LARS2: variants seen among roughly 807,000 people sequenced by gnomAD.
The protein encoded by LARS2 is leucyl-tRNA synthetase 2, mitochondrial, also known as leucine--tRNA ligase, mitochondrial.
In LARS2, 81 loss-of-function variants were observed where a neutral mutation model predicts 116.6. That is an observed-to-expected ratio of 0.69 (90% CI 0.58 to 0.84). The LOEUF is 0.84. Ranked by LOEUF, LARS2 falls within the 40% of genes least tolerant of loss-of-function variation. The probability of loss-of-function intolerance (pLI) is 0.00; values close to 1 mark genes in which losing one functional copy is unlikely to be tolerated. For missense variants in LARS2, 968 were observed against 1,114.5 expected (o/e 0.87, Z 1.87); for synonymous variants, 396 against 407.2 (o/e 0.97, Z 0.33).
At chr3:45,411,264 A>G (rs1698326104) in intron 4 of LARS2, among the ~76,000 whole-genome samples, 1 of 152,172 alleles carries the variant, frequency 6.6e-6, no homozygotes. Flanking sequence ...GCACACATTC[A>G]ATGACAAAGG....
chr3:45,536,772 G>C (rs1241302753), intron 20 of LARS2, among the ~76,000 whole-genome samples: 1 of 152,224 alleles, frequency 6.6e-6, no homozygotes, highest in Non-Finnish European at 1.5e-5. Flanking sequence ...TGTGTCCTAA[G>C]CTGTCACTCA....
In LARS2 at chr3:45,525,160, A is replaced by G. The variant is rs138724938; in HGVS notation, c.2404+1052A>G. Among the ~76,000 whole-genome samples the G allele has an allele frequency of 2.4e-3, 371 of 152,262 alleles. 3 individuals carry two copies. The highest frequency in any genetic ancestry group is 7.8e-3 in the African/African-American group (326 of 41,548). The stretch of plus-strand genomic sequence containing the variant: ...TGGTTCCTTTTTCTTTTTAGCTAAG[A>G]TGAGACTTATTTTTCCAGGGTCCCC... On this transcript the variant is annotated intron_variant, in intron 20 of 21. Transcript: ENST00000645846.
chr3:45,535,948 C>CT, intron 20 of LARS2, among the ~76,000 whole-genome samples: 1 of 152,226 alleles, frequency 6.6e-6, no homozygotes, highest in South Asian at 2.1e-4. Flanking sequence ...CTGAACATTT[C>CT]TTTGTAACTT....
intron 5 of LARS2, among the ~76,000 whole-genome samples, chr3:45,419,073 C>G (rs754096754): frequency 1.3e-5 from 2 of 152,088 alleles, no homozygotes; most frequent in Admixed American, 6.5e-5. Context: ...AAAGAGGATG[C>G]AGTAGAAATG....
At position 45,394,443 on chromosome 3, in the gene LARS2, CCTT is replaced by C; in HGVS notation, c.-8_-6del. 1 of 1,607,640 alleles carries C rather than the reference CCTT, an allele frequency of 6.2e-7. No homozygotes were observed. Among genetic ancestry groups the C allele is most frequent in the Non-Finnish European group, 8.5e-7 (1 of 1,174,146 alleles). On this transcript the variant is annotated 5_prime_UTR_variant, in exon 3 of 22. Transcript: ENST00000645846. Reference sequence around the variant, plus strand: ...TGCCCTCTTTTTCAGGGCCTTCTCACCTTCTGAAGAATGGCTTCTGTTTGGCAG... The same window carrying C: ...TGCCCTCTTTTTCAGGGCCTTCTCACCTGAAGAATGGCTTCTGTTTGGCAG...
chr3:45,408,236 C>T (rs578156155), intron 4 of LARS2, among the ~76,000 whole-genome samples: 43 of 152,368 alleles, frequency 2.8e-4, no homozygotes, highest in East Asian at 1.5e-3. Flanking sequence ...CACCAAGGCT[C>T]ACCCTGGAGC....
chr3:45,440,336 G>C (rs1488349633), intron 6 of LARS2, among the ~76,000 whole-genome samples: 3 of 152,152 alleles, frequency 2.0e-5, no homozygotes. Context: ...CACTAAACAT[G>C]TTTCCTTTTG....
intron 6 of LARS2, among the ~76,000 whole-genome samples, chr3:45,424,846 A>G (rs879011584): frequency 2.0e-5 from 3 of 152,144 alleles, no homozygotes; most frequent in Admixed American, 2.0e-4. Flanking sequence ...CACTGTCCGT[A>G]TACTCATTTC....
intron 6 of LARS2, among the ~76,000 whole-genome samples, chr3:45,432,789 CA>C (rs775809222): frequency 1.3e-5 from 2 of 151,778 alleles, no homozygotes; most frequent in East Asian, 1.9e-4. Context: ...TAAAGATAAG[CA>C]AAATAGACAA....
chr3:45,446,134 A>T (rs1699014063), intron 6 of LARS2, among the ~76,000 whole-genome samples: 1 of 152,178 alleles, frequency 6.6e-6, no homozygotes, highest in Admixed American at 6.5e-5. Flanking sequence ...CCCATCATTC[A>T]TTTCTGCGTT....
chr3:45,414,280 T>C (rs1275189346), intron 4 of LARS2, among the ~76,000 whole-genome samples: 2 of 152,154 alleles, frequency 1.3e-5, no homozygotes, highest in African/African-American at 4.8e-5. Flanking sequence ...AATACATATA[T>C]AAATAATATA....
chr3:45,412,514 T>C (rs1698347150), intron 4 of LARS2, among the ~76,000 whole-genome samples: 1 of 152,232 alleles, frequency 6.6e-6, no homozygotes, highest in Non-Finnish European at 1.5e-5. Context: ...TATTTATCAT[T>C]GTATTATGCC....
Position 45,517,953 on chromosome 3 carries a change from AC to A in LARS2, c.2096del (p.Thr699LysfsTer19). Reference protein sequence around the residue: ...LRWQQRLWTLTTRFIEARASG... With the variant: ...LRWQQRLWTLXTRFIEARASG... ...ATGGCAACAACGACTGTGGACCTTG[AC>A]AACTCGGTTTATTGAGGCCAGGGCT... On this transcript the variant is annotated frameshift_variant, in exon 18 of 22. Transcript: ENST00000645846. LOFTEE classifies it high-confidence loss of function. 6.2e-7 allele frequency: 1 copy of A among 1,614,110 alleles called. No homozygotes were observed. Among genetic ancestry groups the A allele is most frequent in the Non-Finnish European group, 8.5e-7 (1 of 1,179,986 alleles).
rs376346139 is a variant in LARS2 at position 45,469,740 on chromosome 3, G to T, written c.751-4503G>T. 2.7e-4 allele frequency among the ~76,000 whole-genome samples: 41 copies of T among 152,158 alleles called. No homozygotes were observed. In the East Asian group the frequency reaches 5.2e-3, roughly 19 times the overall value. On this transcript the variant is annotated intron_variant, in intron 8 of 21. Transcript: ENST00000645846. ...TCATTCCTCCAGCACATTCTAGAGG[G>T]AATGTCTATATTTTTAAACATCTTG...
intron 6 of LARS2, among the ~76,000 whole-genome samples, chr3:45,433,864 G>T (rs897110908): frequency 1.3e-5 from 2 of 152,104 alleles, no homozygotes; most frequent in Non-Finnish European, 2.9e-5. Context: ...ATTTTCAAGA[G>T]ATATGGAATT....
At chr3:45,435,477 A>G (rs1698782979) in intron 6 of LARS2, among the ~76,000 whole-genome samples, 1 of 152,224 alleles carries the variant, frequency 6.6e-6, no homozygotes, top group Non-Finnish European at 1.5e-5. Context: ...GTATTGGCTG[A>G]AGTAGAATGG....
At chr3:45,483,516 G>T (rs1699741209) in intron 10 of LARS2, among the ~76,000 whole-genome samples, 1 of 152,098 alleles carries the variant, frequency 6.6e-6, no homozygotes, top group South Asian at 2.1e-4. Context: ...GGGTGTGGTG[G>T]CATGTGCCTG....
At chr3:45,490,079 G>A (rs1034229140) in intron 12 of LARS2, among the ~76,000 whole-genome samples, 5 of 152,314 alleles carry the variant, frequency 3.3e-5, no homozygotes, top group Middle Eastern at 6.8e-3. Flanking sequence ...AGGAGTCCAT[G>A]TTTTATAACC....
At chr3:45,499,757 CATA>C (rs537199610) in intron 14 of LARS2, among the ~76,000 whole-genome samples, 28 of 152,244 alleles carry the variant, frequency 1.8e-4, no homozygotes, top group African/African-American at 6.7e-4. Flanking sequence ...ATTGTGTAAT[CATA>C]ATAATAAAAA....
Sources: allele counts gnomAD v4.1 joint callset (sites outside exome capture counted in the v4.1 genomes callset), GRCh38; gene constraint gnomAD v4.1.1; transcripts MANE v1.5; gene names NCBI Gene and HGNC (gene_info 2026-07-23, HGNC 2026-07-21).